SOS2: variants seen among roughly 807,000 people sequenced by gnomAD.
SOS2 encodes SOS Ras/Rho guanine nucleotide exchange factor 2.
In SOS2, 65 loss-of-function variants were observed where a neutral mutation model predicts 148.2. That is an observed-to-expected ratio of 0.44 (90% confidence interval 0.36 to 0.54). The LOEUF is 0.54. Among genes scored for constraint, SOS2 ranks in the 20% least tolerant of loss-of-function variants. The probability of loss-of-function intolerance (pLI) is 0.00; values close to 1 mark genes in which losing one functional copy is unlikely to be tolerated. For missense variants in SOS2, 1,341 were observed against 1,590.2 expected, an observed-to-expected ratio of 0.84 and a Z score of 2.67; for synonymous variants, 539 against 537.1, an observed-to-expected ratio of 1.00 and a Z score of -0.05.
intron 1 of SOS2, among the ~76,000 whole-genome samples, chr14:50,227,243 C>CTTTTTT (rs374477701): frequency 1.1e-3 from 124 of 112,600 alleles, no homozygotes; most frequent in Non-Finnish European, 1.3e-3. Flanking sequence ...TTCTTTCTTT[C>CTTTTTT]TTTCTTTTTT....
At chr14:50,213,594 C>G (rs1283141527) in intron 1 of SOS2, among the ~76,000 whole-genome samples, 1 of 151,856 alleles carries the variant, frequency 6.6e-6, no homozygotes. Flanking sequence ...CAGCTTGAAC[C>G]CTGGAGGTGG....
At chr14:50,178,483 A>T (rs1885599313) in intron 7 of SOS2, among the ~76,000 whole-genome samples, 1 of 151,210 alleles carries the variant, frequency 6.6e-6, no homozygotes, top group African/African-American at 2.4e-5. Flanking sequence ...TTTTTTGTTG[A>T]GACAGAGTCT....
At chr14:50,156,257 T>TACACACACACAC (rs10622349) in intron 12 of SOS2, 2 of 148,634 alleles carry the variant, frequency 1.3e-5, no homozygotes, top group Admixed American at 6.8e-5. Flanking sequence ...TAGTGGTACG[T>TACACACACACAC]ACACACACAC....
chr14:50,190,127 A>G (rs1444368553), intron 4 of SOS2, among the ~76,000 whole-genome samples: 1 of 152,124 alleles, frequency 6.6e-6, no homozygotes, highest in Admixed American at 6.6e-5. Flanking sequence ...TGCTGGGATT[A>G]CAGGTGTGAG....
At chr14:50,140,908 T>G in intron 16 of SOS2, among the ~76,000 whole-genome samples, 1 of 151,814 alleles carries the variant, frequency 6.6e-6, no homozygotes, top group South Asian at 2.1e-4. Context: ...AATCAGGATT[T>G]AAAAAAAATT....
chr14:50,165,846 C>A (rs951888797), intron 8 of SOS2, among the ~76,000 whole-genome samples: 1 of 152,078 alleles, frequency 6.6e-6, no homozygotes, highest in African/African-American at 2.4e-5. Context: ...CTCTGTAACA[C>A]GAGGTACTAT....
intron 14 of SOS2, among the ~76,000 whole-genome samples, chr14:50,149,551 G>T (rs978701519): frequency 2.6e-5 from 4 of 152,122 alleles, no homozygotes; most frequent in Non-Finnish European, 5.9e-5. Context: ...AGTTTTTGAT[G>T]GAATGATAAT....
chr14:50,140,715 G>C (rs2139559268), intron 16 of SOS2, among the ~76,000 whole-genome samples: 1 of 151,944 alleles, frequency 6.6e-6, no homozygotes, highest in South Asian at 2.1e-4. Flanking sequence ...ACAAGTATAA[G>C]AAATAAAGAG....
At chr14:50,159,336 C>A in intron 10 of SOS2, 95 bp downstream of exon 10, 1 of 702,422 alleles carries the variant, frequency 1.4e-6, no homozygotes, top group Non-Finnish European at 2.3e-6. Flanking sequence ...TGGAGGCAAT[C>A]CATTTTTTCC....
chr14:50,210,923 C>T (rs547473682), intron 1 of SOS2, among the ~76,000 whole-genome samples: 3 of 152,094 alleles, frequency 2.0e-5, no homozygotes, highest in Non-Finnish European at 4.4e-5. Context: ...TGGGAACGAT[C>T]ACACACTGCT....
rs1884441136 is a variant in SOS2, at chr14:50,145,593, T to C, written c.2388A>G (p.Lys796=). The part of the protein sequence containing the change: ...LTLLESDLYR[K]VQPSELVGSV... ...TCCCTACAAGTTCAGACGGTTGAAC[T>C]TTCCTATGGAATTGAAAATCAGTGC... is the stretch of plus-strand genomic sequence containing the variant. Residue 796 remains lysine, a synonymous_variant, in exon 15 of 23, where the codon AAA becomes AAG. Transcript: ENST00000216373. The C allele has an allele frequency of 5.1e-6, 8 of 1,582,828 alleles. No individual in the cohort carries two copies. The Admixed American group carries it at 9.7e-5, about 19-fold the overall frequency.
intron 1 of SOS2, among the ~76,000 whole-genome samples, chr14:50,210,251 C>T (rs779123349): frequency 8.5e-5 from 13 of 152,092 alleles, no homozygotes; most frequent in South Asian, 4.1e-4. Context: ...TATATATAGA[C>T]GCTTATTTAC....
chr14:50,194,490 T>C (rs1886254823), intron 4 of SOS2, among the ~76,000 whole-genome samples: 1 of 136,044 alleles, frequency 7.4e-6, no homozygotes, highest in Non-Finnish European at 1.5e-5. Flanking sequence ...TAAGATGGAG[T>C]ATTGGCTGGG....
Position 50,143,821 on chromosome 14 carries a change from C to CT in SOS2, c.2667+1348dup, listed in dbSNP as rs1219318493. Among the ~76,000 whole-genome samples, 6 of 136,302 alleles carry CT rather than the reference C, an allele frequency of 4.4e-5. No individual in the cohort carries two copies. The South Asian group carries it at 1.4e-3, about 33-fold the overall frequency. The allele number at this position is 136,302 out of a possible 152,430, so 89.4% of individuals were successfully genotyped here. A position where few individuals can be genotyped will look rare whatever the true frequency, so the allele number is the denominator to read the frequency against. On this transcript the variant is annotated intron_variant, in intron 16 of 22. Coordinates refer to ENST00000216373, the MANE Select transcript of SOS2 (RefSeq NM_006939.4). ...CAGAGGCATGCAACACCATGCCTGG[C>CT]TATTTTTTTTTTTTTTTTGTAGAGA...
chr14:50,204,331 G>A lies in SOS2; in HGVS notation c.166C>T (p.Leu56Phe). The change falls in exon 2 of 23, where the codon CTT becomes TTT. Residue 56 changes from leucine to phenylalanine, a missense_variant. Physicochemically the swap from Leu to Phe is conservative, Grantham distance 22. Coordinates refer to ENST00000216373, the MANE Select transcript of SOS2 (RefSeq NM_006939.4). ...GGCTGGGCCATGCATAATTTATTAA[G>A]CAGCTGAAAAATCAGCTCTTCAATA... ...YYIEELIFQL[L>F]NKLCMAQPRT... 3 of 1,600,172 alleles carry A rather than the reference G, an allele frequency of 1.9e-6. No homozygotes were observed. The highest frequency in any genetic ancestry group is 2.6e-6 in the Non-Finnish European group (3 of 1,170,400).
At chr14:50,186,617 A>G (rs1446301875) in intron 5 of SOS2, among the ~76,000 whole-genome samples, 1 of 141,220 alleles carries the variant, frequency 7.1e-6, no homozygotes, top group Non-Finnish European at 1.5e-5. Flanking sequence ...CCCCATCTAT[A>G]TTTAAAAAAA....
rs12882504 is a variant in SOS2 at position 50,134,360 on chromosome 14, C to T, written c.2959-121G>A. ...ACTTATTTAATGCTAAAAAATAACA[C>T]ATTAAGAGCCCACAATATGTGAAAA... On this transcript the variant is annotated intron_variant, in intron 18 of 22. Coordinates refer to ENST00000216373, the MANE Select transcript of SOS2 (RefSeq NM_006939.4). The T allele has an allele frequency of 0.34, 198,807 of 576,814 alleles. 36,522 individuals are homozygous for T. The highest frequency in any genetic ancestry group is 0.4 in the Non-Finnish European group (130,783 of 326,838). 35.7% of individuals were successfully genotyped at this position (576,814 alleles called of 1,614,324 possible).
chr14:50,167,693 A>T (rs1486357556), intron 8 of SOS2, among the ~76,000 whole-genome samples: 1 of 152,030 alleles, frequency 6.6e-6, no homozygotes, highest in Non-Finnish European at 1.5e-5. Flanking sequence ...ACATGATGAA[A>T]CCCAGTCTCT....
At chr14:50,178,418 A>G (rs1236585076) in intron 7 of SOS2, among the ~76,000 whole-genome samples, 2 of 151,912 alleles carry the variant, frequency 1.3e-5, no homozygotes, top group Non-Finnish European at 2.9e-5. Context: ...TGGAACTCTG[A>G]GCCAATTAAA....
Sources: gnomAD v4.1 joint callset for allele counts (sites outside exome capture counted in the v4.1 genomes callset) on GRCh38, gnomAD v4.1.1 for gene constraint, MANE v1.5 for transcripts, NCBI Gene and HGNC (gene_info 2026-07-23, HGNC 2026-07-21) for gene names.